The following ABCG2 variants were observed in gnomAD, a reference collection of about 807,000 sequenced individuals.
The protein encoded by ABCG2 is broad substrate specificity ATP-binding cassette transporter ABCG2.
In ABCG2, 80 loss-of-function variants were observed where a neutral mutation model predicts 73.5. The observed-to-expected ratio is 1.09, with a 90% CI of 0.91 to 1.31. The LOEUF (loss-of-function observed/expected upper bound fraction) is 1.31, where lower values mean the gene tolerates loss of function less well. Ranked by LOEUF, ABCG2 falls within the 50% of genes most tolerant of loss-of-function variation. The pLI, the probability that ABCG2 is intolerant of heterozygous loss-of-function variation, is 0.00. For synonymous variants in ABCG2, 269 were observed against 282.4 expected, an observed-to-expected ratio of 0.95 and a Z score of 0.48; for missense variants, 796 against 786.2, an observed-to-expected ratio of 1.01 and a Z score of -0.15.
chr4:88,211,872 A>G (rs1578282274), intron 1 of ABCG2, among the ~76,000 whole-genome samples: 1 of 152,234 alleles, frequency 6.6e-6, no homozygotes, highest in South Asian at 2.1e-4. Flanking sequence ...AGTCTTTCTC[A>G]AGCCTCTCTT....
intron 9 of ABCG2, among the ~76,000 whole-genome samples, chr4:88,112,163 C>T (rs1031658730): frequency 1.3e-5 from 2 of 151,902 alleles, no homozygotes; most frequent in African/African-American, 4.8e-5. Flanking sequence ...ACAGAGCCAA[C>T]CAAGGAACAA....
chr4:88,158,753 C>A, upstream of ABCG2: 1 of 384,856 alleles, frequency 2.6e-6, no homozygotes, highest in Non-Finnish European at 5.1e-6. Flanking sequence ...TCCCCTCGCG[C>A]GGCGGCCGGC....
chr4:88,115,281 TA>T lies in ABCG2; in HGVS notation c.842-224del, dbSNP rs1220922516. ...CTATATATATATATATATATATATATATAATTTATTTATTTATTTTGAGACA... is the reference window on the plus strand; with the variant it reads ...CTATATATATATATATATATATATATTAATTTATTTATTTATTTTGAGACA... On this transcript the variant is annotated intron_variant, in intron 7 of 15. Transcript: ENST00000237612. Among the ~76,000 whole-genome samples the T allele has an allele frequency of 4.4e-4, 50 of 113,702 alleles. 12 individuals carry two copies. The highest frequency in any genetic ancestry group is 1.2e-3 in the East Asian group (4 of 3,204). The allele number at this position is 113,702 out of a possible 152,430, so 74.6% of individuals were successfully genotyped here.
intron 1 of ABCG2, among the ~76,000 whole-genome samples, chr4:88,175,320 C>T (rs1322826336): frequency 6.6e-6 from 1 of 152,166 alleles, no homozygotes; most frequent in East Asian, 1.9e-4. Context: ...CGTTAGGAAG[C>T]TCCAAATACC....
At position 88,207,767 on chromosome 4, in the gene ABCG2, A is replaced by G. The variant is rs556611035; in HGVS notation, c.-20+23227T>C. 2.0e-5 allele frequency among the ~76,000 whole-genome samples: 3 copies of G among 152,056 alleles called. No homozygotes were observed. In the East Asian group the frequency reaches 5.8e-4, roughly 29 times the overall value. On this transcript the variant is annotated intron_variant, in intron 1 of 15. Coordinates refer to the ABCG2 transcript ENST00000515655. Reference sequence around the variant, plus strand: ...ACTATGTTATGCAGGCTAGTCTCGAACTCCTGAGCTCAAACAGTCCTCCCA... The same window carrying G: ...ACTATGTTATGCAGGCTAGTCTCGAGCTCCTGAGCTCAAACAGTCCTCCCA...
rs984617804 is a variant in ABCG2, at chr4:88,092,318, C to A, written c.1884G>T (p.Lys628Asn). The A allele has an allele frequency of 3.7e-6, 6 of 1,613,942 alleles. No homozygotes were observed. The highest frequency in any genetic ancestry group is 5.1e-6 in the Non-Finnish European group (6 of 1,179,916). ...TCATACAAGCCAAGGCCACGTGATT[C>A]TTCCACAAGCCCCAGGGTGAGAGAT... ...GIDLSPWGLW[K>N]NHVALACMIV... The change falls in exon 16 of 16, where the codon AAG becomes AAT. Residue 628 changes from lysine (K) to asparagine (N), a missense_variant. Physicochemically the swap from Lys to Asn is moderately conservative, Grantham distance 94 (BLOSUM62 0). Transcript: ENST00000237612.
chr4:88,141,500 C>T (rs368712310), intron 1 of ABCG2, among the ~76,000 whole-genome samples: 104 of 152,234 alleles, frequency 6.8e-4, no homozygotes, highest in African/African-American at 2.4e-3. Context: ...TGTTGAGTGC[C>T]TAACAGAGGA....
At chr4:88,114,128 C>T (rs1186550096) in intron 8 of ABCG2, among the ~76,000 whole-genome samples, 1 of 151,684 alleles carries the variant, frequency 6.6e-6, no homozygotes, top group African/African-American at 2.4e-5. Flanking sequence ...CGAAACGAGA[C>T]CCTGTCTCTA....
upstream of ABCG2, chr4:88,159,118 CAAACACT>C (rs57327643): frequency 0.055 from 24,908 of 456,188 alleles, 823 homozygotes; most frequent in Middle Eastern, 0.073. Flanking sequence ...AGGGACAAGC[CAAACACT>C]CCCGCCTCCG....
chr4:88,094,583 T>C lies in ABCG2; in HGVS notation c.1814A>G (p.Tyr605Cys), dbSNP rs775393774. The C allele has an allele frequency of 7.4e-5, 120 of 1,613,308 alleles. No individual in the cohort carries two copies. The highest frequency in any genetic ancestry group is 9.8e-5 in the Non-Finnish European group (115 of 1,179,336). ...LNATGNNPCNYATCTGEEYLV... is the reference protein window; with the variant it reads ...LNATGNNPCNCATCTGEEYLV... Reference sequence around the variant, plus strand: ...ACACTGAACAAAAACTTACGTTGCATAGTTACAAGGATTGTTTCCTGTTGC... The same window carrying C: ...ACACTGAACAAAAACTTACGTTGCACAGTTACAAGGATTGTTTCCTGTTGC... Residue 605 changes from tyrosine to cysteine, a missense_variant, in exon 15 of 16, where the codon TAT becomes TGT. By Grantham distance (194) the Tyr-to-Cys change is radical (BLOSUM62 -2). Transcript: ENST00000237612.
intron 5 of ABCG2, among the ~76,000 whole-genome samples, chr4:88,127,008 G>A (rs1724465578): frequency 6.6e-6 from 1 of 152,192 alleles, no homozygotes; most frequent in Non-Finnish European, 1.5e-5. Context: ...CAGATGACAT[G>A]ATTGTATATT....
intron 1 of ABCG2, among the ~76,000 whole-genome samples, chr4:88,149,112 G>A (rs1443344325): frequency 6.6e-6 from 1 of 152,176 alleles, no homozygotes; most frequent in Non-Finnish European, 1.5e-5. Context: ...CTACTTGTGA[G>A]GCTGAGGAAG....
At chr4:88,149,259 TG>T (rs368753536) in intron 1 of ABCG2, among the ~76,000 whole-genome samples, 8 of 152,280 alleles carry the variant, frequency 5.3e-5, no homozygotes, top group African/African-American at 1.9e-4. Flanking sequence ...CTGTCCAAAT[TG>T]GTTTTAATCT....
In ABCG2 at chr4:88,141,265, C is replaced by T. The variant is rs541217599; in HGVS notation, c.-19-1251G>A. 2.6e-5 allele frequency among the ~76,000 whole-genome samples: 4 copies of T among 152,234 alleles called. No individual in the cohort carries two copies. In the South Asian group the frequency reaches 8.3e-4, roughly 32 times the overall value. On this transcript the variant is annotated intron_variant, in intron 1 of 15. Coordinates refer to ENST00000237612, the MANE Select transcript of ABCG2 (RefSeq NM_004827.3). ...GCCAGGACATGAGGAACCAAAATCA[C>T]GGAATGGCGGGACTGAAGCACTGAA... is the stretch of plus-strand genomic sequence containing the variant.
chr4:88,119,785 G>T (rs768630116), intron 6 of ABCG2, among the ~76,000 whole-genome samples: 2 of 152,146 alleles, frequency 1.3e-5, no homozygotes, highest in Non-Finnish European at 2.9e-5. Context: ...CATTCACAAA[G>T]ATATGGTTTG....
chr4:88,101,465 G>A (rs534485270), intron 10 of ABCG2, 146 bp from the exon 11 acceptor site: 92 of 696,244 alleles, frequency 1.3e-4, no homozygotes, highest in Middle Eastern at 2.4e-4. Flanking sequence ...ACAGGGAAGC[G>A]TGAACCCCAT....
chr4:88,165,844 A>G (rs1727494470), intron 1 of ABCG2, among the ~76,000 whole-genome samples: 1 of 152,084 alleles, frequency 6.6e-6, no homozygotes, highest in African/African-American at 2.4e-5. Context: ...ACTGCACTCC[A>G]GCCTGGGCAA....
intron 10 of ABCG2, among the ~76,000 whole-genome samples, chr4:88,106,294 C>A (rs1177760883): frequency 6.6e-6 from 1 of 152,124 alleles, no homozygotes; most frequent in Non-Finnish European, 1.5e-5. Flanking sequence ...CATGCCACCA[C>A]ACCTGGCTGA....
chr4:88,093,681 T>C (rs1023660222), intron 15 of ABCG2, among the ~76,000 whole-genome samples: 6 of 152,084 alleles, frequency 3.9e-5, no homozygotes, highest in African/African-American at 1.2e-4. Context: ...AAAGAAAACC[T>C]CTCTGTACAG....
Sources: gnomAD v4.1 joint callset for allele counts (sites outside exome capture counted in the v4.1 genomes callset) on GRCh38, gnomAD v4.1.1 for gene constraint, MANE v1.5 for transcripts, NCBI Gene and HGNC (gene_info 2026-07-23, HGNC 2026-07-21) for gene names.